Variants in CASD1 observed in about 807,000 individuals in gnomAD.
CASD1 encodes the protein CAS1 domain sialic acid O acetyltransferase 1.
Under a neutral mutation model 100.0 loss-of-function variants are expected in CASD1, and 41 were observed. That is an observed-to-expected ratio of 0.41 (90% confidence interval 0.32 to 0.53). The LOEUF (loss-of-function observed/expected upper bound fraction) is 0.53. CASD1 is among the 20% of genes least tolerant of loss of function. The pLI, the probability that CASD1 is intolerant of heterozygous loss-of-function variation, is 0.25. For synonymous variants in CASD1, 321 were observed against 315.6 expected, an observed-to-expected ratio of 1.02 and a Z score of -0.18; for missense variants, 774 against 948.7, an observed-to-expected ratio of 0.82 and a Z score of 2.42.
At chr7:94,539,201 T>G in intron 10 of CASD1, 145 bp downstream of exon 10, 1 of 428,078 alleles carries the variant, frequency 2.3e-6, no homozygotes. Flanking sequence ...CGCCTTTCCA[T>G]TTTTCTCCTC....
the CASD1 span, among the ~76,000 whole-genome samples, chr7:94,582,141 C>A: frequency 4.6e-5 from 7 of 152,088 alleles, no homozygotes; most frequent in Non-Finnish European, 8.8e-5. Flanking sequence ...CGATGTTGAG[C>A]TTTTCTCACT....
chr7:94,571,894 G>T, the CASD1 span, among the ~76,000 whole-genome samples: 1 of 151,626 alleles, frequency 6.6e-6, no homozygotes. Context: ...ATGGTCAGAA[G>T]ATGAAGTTGT....
chr7:94,527,686 G>C lies in CASD1; in HGVS notation c.396+480G>C, dbSNP rs188545437. ...GGCTTCAAAAATAAGTAAGAATTAG[G>C]CAGGCTCAGTGGAAGAGTTTTGTGA... is the stretch of plus-strand genomic sequence containing the variant. On this transcript the variant is annotated intron_variant, in intron 4 of 17. Transcript: ENST00000297273. 2.0e-3 allele frequency among the ~76,000 whole-genome samples: 300 copies of C among 152,292 alleles called. 2 individuals carry two copies. The highest frequency in any genetic ancestry group is 6.9e-3 in the African/African-American group (288 of 41,540).
the CASD1 span, among the ~76,000 whole-genome samples, chr7:94,577,414 T>C: frequency 6.6e-6 from 1 of 152,202 alleles, no homozygotes; most frequent in South Asian, 2.1e-4. Flanking sequence ...CAGCTAATAA[T>C]TAAACAGATA....
the CASD1 span, among the ~76,000 whole-genome samples, chr7:94,596,902 T>C: frequency 6.6e-6 from 1 of 152,194 alleles, no homozygotes; most frequent in South Asian, 2.1e-4. Context: ...ATAATAACCT[T>C]AAAGAATAAG....
the CASD1 span, among the ~76,000 whole-genome samples, chr7:94,631,424 A>T: frequency 1.3e-5 from 2 of 151,940 alleles, no homozygotes; most frequent in African/African-American, 2.4e-5. Context: ...GGAGACCAAC[A>T]TCCACCTAAC....
chr7:94,551,909 A>G (rs972052520), intron 15 of CASD1: 1 of 160,538 alleles, frequency 6.2e-6, no homozygotes, highest in African/African-American at 2.4e-5. Context: ...ATAATGATCA[A>G]ATCAAGGTAA....
the CASD1 span, chr7:94,626,314 A>G: frequency 6.6e-6 from 1 of 152,068 alleles, no homozygotes; most frequent in Non-Finnish European, 1.5e-5. Flanking sequence ...TTCTCTTAAA[A>G]ATATTTAGGT....
At chr7:94,587,397 C>G in the CASD1 span, 1 of 1,117,210 alleles carries the variant, frequency 9.0e-7, no homozygotes, top group Non-Finnish European at 1.1e-6. Flanking sequence ...CCTACTCACT[C>G]CATGCCTGAA....
intron 3 of CASD1, among the ~76,000 whole-genome samples, chr7:94,523,047 T>C (rs144797231): frequency 1.0e-3 from 152 of 152,332 alleles, no homozygotes; most frequent in African/African-American, 3.5e-3. Flanking sequence ...TAAGGTAAGT[T>C]ACTTTATATC....
chr7:94,630,322 CTA>C, the CASD1 span, among the ~76,000 whole-genome samples: 8 of 151,656 alleles, frequency 5.3e-5, no homozygotes, highest in Non-Finnish European at 8.8e-5. Flanking sequence ...GCATGTCAGA[CTA>C]TATAACACTA....
the CASD1 span, chr7:94,618,833 A>G: frequency 6.2e-7 from 1 of 1,614,068 alleles, no homozygotes; most frequent in Non-Finnish European, 8.5e-7. Context: ...TATGGCGTTC[A>G]GGCGCTCTGG....
At position 94,556,030 on chromosome 7, in the gene CASD1, A is replaced by G. The variant is rs1796191886; in HGVS notation, c.*272A>G. 3.7e-6 allele frequency: 1 copy of G among 273,718 alleles called. No individual in the cohort carries two copies. 17.0% of individuals were successfully genotyped at this position (273,718 alleles called of 1,614,324 possible). A position where few individuals can be genotyped will look rare whatever the true frequency, so the allele number is the denominator to read the frequency against. On this transcript the variant is annotated 3_prime_UTR_variant, in exon 18 of 18. Transcript: ENST00000297273. ...TCTTTTCTACTGAATCTATATTTCCATTTGTAAGTGATTTTAAGTTAACAT... is the reference window on the plus strand; with the variant it reads ...TCTTTTCTACTGAATCTATATTTCCGTTTGTAAGTGATTTTAAGTTAACAT...
intron 5 of CASD1, among the ~76,000 whole-genome samples, chr7:94,528,628 TTTTG>T (rs1253622008): frequency 6.6e-6 from 1 of 152,192 alleles, no homozygotes; most frequent in African/African-American, 2.4e-5. Context: ...TTCAGGAAAC[TTTTG>T]TTTATTTGTT....
the CASD1 span, chr7:94,588,300 G>T: frequency 9.3e-7 from 1 of 1,070,428 alleles, no homozygotes; most frequent in African/African-American, 1.7e-5. Context: ...TAGTCACAAT[G>T]GTTTCCTTTT....
chr7:94,538,067 G>A (rs1375370104), intron 9 of CASD1, among the ~76,000 whole-genome samples, 173 bp downstream of exon 9: 1 of 151,860 alleles, frequency 6.6e-6, no homozygotes, highest in Non-Finnish European at 1.5e-5. Flanking sequence ...TTCCTTTTTC[G>A]GAACAGTTTG....
chr7:94,569,916 C>T, the CASD1 span, among the ~76,000 whole-genome samples: 2 of 151,374 alleles, frequency 1.3e-5, no homozygotes, highest in Non-Finnish European at 2.9e-5. Context: ...CGGGTTCATG[C>T]TATTCTCTTG....
At chr7:94,555,403 T>C (rs1562952042) in intron 17 of CASD1, 89 bp from the exon 18 acceptor site, 4 of 1,303,234 alleles carry the variant, frequency 3.1e-6, no homozygotes, top group Non-Finnish European at 4.2e-6. Flanking sequence ...TCTAATGTTA[T>C]TATGCAACCA....
At chr7:94,511,934 A>C (rs1381131459) in intron 1 of CASD1, among the ~76,000 whole-genome samples, 1 of 152,236 alleles carries the variant, frequency 6.6e-6, no homozygotes, top group Non-Finnish European at 1.5e-5. Context: ...CTCCAGAAGT[A>C]AGTCATCAGT....
Sources: allele counts gnomAD v4.1 joint callset (sites outside exome capture counted in the v4.1 genomes callset), GRCh38; gene constraint gnomAD v4.1.1; transcripts MANE v1.5; gene names NCBI Gene and HGNC (gene_info 2026-07-23, HGNC 2026-07-21).